The following KRABD5 variants were observed in gnomAD, a reference collection of about 807,000 sequenced individuals.
KRABD5 encodes the protein KRAB domain-containing protein 5.
At chr16:31,719,385 A>G in the KRABD5 span, among the ~76,000 whole-genome samples, 9 of 152,210 alleles carry the variant, frequency 5.9e-5, no homozygotes, top group Non-Finnish European at 1.2e-4. Context: ...TTGCTTGTTA[A>G]TGGATTTACA....
chr16:31,728,876 A>G, the KRABD5 span, among the ~76,000 whole-genome samples: 2 of 152,174 alleles, frequency 1.3e-5, no homozygotes, highest in African/African-American at 4.8e-5. Context: ...TAAGTAGGGT[A>G]CTAATGTTCT....
the KRABD5 span, among the ~76,000 whole-genome samples, chr16:31,739,526 G>A: frequency 1.9e-4 from 29 of 151,658 alleles, no homozygotes; most frequent in African/African-American, 6.8e-4. Context: ...GTGTCTTGTT[G>A]TGGATCTCTT....
At chr16:31,752,397 T>A in the KRABD5 span, among the ~76,000 whole-genome samples, 1 of 152,178 alleles carries the variant, frequency 6.6e-6, no homozygotes, top group African/African-American at 2.4e-5. Context: ...ACTGTTATTA[T>A]GTGACTAATT....
the KRABD5 span, chr16:31,755,740 GT>G: frequency 2.8e-6 from 1 of 359,802 alleles, no homozygotes; most frequent in Non-Finnish European, 5.4e-6. Flanking sequence ...TGTGAAAAGA[GT>G]TTTATCCAAA....
chr16:31,723,660 A>G, the KRABD5 span, among the ~76,000 whole-genome samples: 1 of 152,198 alleles, frequency 6.6e-6, no homozygotes, highest in Non-Finnish European at 1.5e-5. Flanking sequence ...GGGCTCTGGG[A>G]AAGTCTGTGC....
chr16:31,749,822 C>A, the KRABD5 span, among the ~76,000 whole-genome samples: 1 of 152,170 alleles, frequency 6.6e-6, no homozygotes, highest in Non-Finnish European at 1.5e-5. Context: ...GAAAGATTCA[C>A]ACACTTATTA....
the KRABD5 span, among the ~76,000 whole-genome samples, chr16:31,735,602 A>G: frequency 1.3e-5 from 2 of 152,096 alleles, no homozygotes; most frequent in Non-Finnish European, 2.9e-5. Context: ...CTTTTTGATT[A>G]TAGTCATTTT....
the KRABD5 span, among the ~76,000 whole-genome samples, chr16:31,748,133 G>T: frequency 2.6e-5 from 4 of 151,922 alleles, no homozygotes; most frequent in Non-Finnish European, 4.4e-5. Flanking sequence ...GGTCTAACAT[G>T]TAAGTCTTTA....
At chr16:31,727,389 A>G in the KRABD5 span, among the ~76,000 whole-genome samples, 1 of 152,214 alleles carries the variant, frequency 6.6e-6, no homozygotes, top group African/African-American at 2.4e-5. Flanking sequence ...GGTAGAAGAA[A>G]ACAGCTTTAT....
At chr16:31,753,855 T>A in the KRABD5 span, 13 of 1,551,218 alleles carry the variant, frequency 8.4e-6, no homozygotes, top group Non-Finnish European at 1.0e-5. Flanking sequence ...ATATGGGAGC[T>A]GTGGCCCTCA....
the KRABD5 span, among the ~76,000 whole-genome samples, chr16:31,738,030 C>G: frequency 6.6e-6 from 1 of 151,918 alleles, no homozygotes; most frequent in African/African-American, 2.4e-5. Context: ...TTTTTAATTT[C>G]TAGTTTTATT....
At chr16:31,733,167 T>C in the KRABD5 span, among the ~76,000 whole-genome samples, 2 of 152,178 alleles carry the variant, frequency 1.3e-5, no homozygotes, top group East Asian at 1.9e-4. Context: ...ATACTACGTG[T>C]TATTCATCTG....
chr16:31,734,410 C>T, the KRABD5 span, among the ~76,000 whole-genome samples: 2 of 152,064 alleles, frequency 1.3e-5, no homozygotes, highest in Admixed American at 6.6e-5. Flanking sequence ...GCCACCGTGC[C>T]TGGCTAATTT....
the KRABD5 span, among the ~76,000 whole-genome samples, chr16:31,731,650 C>T: frequency 1.3e-5 from 2 of 152,156 alleles, no homozygotes; most frequent in Non-Finnish European, 2.9e-5. Flanking sequence ...GCTCCCAGAC[C>T]CTGGCTGACA....
the KRABD5 span, chr16:31,713,632 C>A: frequency 1.4e-6 from 1 of 704,376 alleles, no homozygotes; most frequent in Non-Finnish European, 2.3e-6. Flanking sequence ...CCCGACCCCG[C>A]AGAGCGACCT....
the KRABD5 span, chr16:31,722,683 C>T: frequency 6.2e-7 from 1 of 1,613,342 alleles, no homozygotes. Context: ...GTGGGAACAC[C>T]TGGACTCAGA....
At chr16:31,724,843 A>G in the KRABD5 span, among the ~76,000 whole-genome samples, 1 of 152,148 alleles carries the variant, frequency 6.6e-6, no homozygotes, top group Admixed American at 6.5e-5. Flanking sequence ...GTATCTCCCC[A>G]GTTTTACCAC....
the KRABD5 span, chr16:31,757,092 G>T: frequency 1.4e-4 from 21 of 152,216 alleles, no homozygotes; most frequent in African/African-American, 5.1e-4. Flanking sequence ...CATGTGAGAA[G>T]AATTATATAA....
At chr16:31,748,738 T>C in the KRABD5 span, among the ~76,000 whole-genome samples, 121,625 of 152,114 alleles carry the variant, frequency 0.8, 49,218 homozygotes, top group African/African-American at 0.91. Context: ...TGTCTAGTTT[T>C]GATCTTTAAG....
Sources: allele counts gnomAD v4.1 joint callset (sites outside exome capture counted in the v4.1 genomes callset), GRCh38; gene constraint gnomAD v4.1.1; transcripts MANE v1.5; gene names NCBI Gene and HGNC (gene_info 2026-07-23, HGNC 2026-07-21).